FREM1: variants seen among roughly 807,000 people sequenced by gnomAD.
The protein encoded by FREM1 is FRAS1-related extracellular matrix protein 1.
Under a neutral mutation model 210.1 loss-of-function variants are expected in FREM1, and 220 were observed. The ratio of observed to expected loss-of-function variants is 1.05; its 90% CI spans 0.94 to 1.17. The LOEUF is 1.17. Ranked by LOEUF, FREM1 falls within the 50% of genes most tolerant of loss-of-function variation. The pLI, the probability that FREM1 is intolerant of heterozygous loss-of-function variation, is 0.00. For synonymous variants in FREM1, 1,189 were observed against 980.2 expected (o/e 1.21, Z -3.98); for missense variants, 3,454 against 2,675.5 (o/e 1.29, Z -6.42).
chr9:14,830,140 G>A lies in FREM1; in HGVS notation c.1882-5148C>T, dbSNP rs1256470119. Among the ~76,000 whole-genome samples, 6 of 152,320 alleles carry A rather than the reference G, an allele frequency of 3.9e-5. No individual in the cohort carries two copies. The South Asian group carries it at 1.2e-3, about 32-fold the overall frequency. On this transcript the variant is annotated intron_variant, in intron 10 of 36. Coordinates refer to ENST00000380880, the MANE Select transcript of FREM1 (RefSeq NM_001379081.2). ...GCACTGGATAGTTTCAAGGGAAGAT[G>A]CAAAAGAAAGAGCTAGCAGAAATCA... is the stretch of plus-strand genomic sequence containing the variant.
In FREM1 at chr9:14,819,278, T is replaced by C. The variant is rs199616797; in HGVS notation, c.2502A>G (p.Ser834=). ...GATCGCCCCAAGAAAATGTGCCCCC[T>C]GAATTTAGAGGAAATCCATTCAGCT... ...RVELNGFPLN[S]GGTFSWGDLH... Residue 834 remains serine (S), a synonymous_variant, in exon 14 of 37, where the codon TCA becomes TCG. Coordinates refer to ENST00000380880, the MANE Select transcript of FREM1 (RefSeq NM_001379081.2). 42 of 1,613,750 alleles carry C rather than the reference T, an allele frequency of 2.6e-5. No individual in the cohort carries two copies. The highest frequency in any genetic ancestry group is 2.4e-5 in the Non-Finnish European group (28 of 1,179,750).
At position 14,750,088 on chromosome 9, in the gene FREM1, G is replaced by C. The variant is rs1554639697; in HGVS notation, c.5557+39C>G. 6.2e-6 allele frequency: 10 copies of C among 1,608,658 alleles called. No homozygotes were observed. In the East Asian group the frequency reaches 1.6e-4, roughly 25 times the overall value. ...GTTGAAGGCAAGAGCTACAGCGCCA[G>C]GACCGCTCCTGATTTCAAGATGAGG... On this transcript the variant is annotated intron_variant, in intron 30 of 36. Coordinates refer to ENST00000380880, the MANE Select transcript of FREM1 (RefSeq NM_001379081.2).
At chr9:14,864,718 C>T (rs1328599687) in intron 2 of FREM1, among the ~76,000 whole-genome samples, 3 of 152,166 alleles carry the variant, frequency 2.0e-5, no homozygotes, top group Non-Finnish European at 4.4e-5. Context: ...GTTCTAATAC[C>T]CTTGAGGTAT....
chr9:14,842,152 T>C (rs1479070972), intron 9 of FREM1, among the ~76,000 whole-genome samples, 164 bp downstream of exon 9: 2 of 152,222 alleles, frequency 1.3e-5, no homozygotes, highest in Non-Finnish European at 2.9e-5. Flanking sequence ...ATCTCAGGCT[T>C]CCTCATTATG....
intron 10 of FREM1, among the ~76,000 whole-genome samples, chr9:14,825,665 C>T (rs1822314584): frequency 6.6e-6 from 1 of 150,800 alleles, no homozygotes; most frequent in Admixed American, 6.6e-5. Context: ...CTCTCTTCTA[C>T]CAACAACCTG....
chr9:14,883,480 GCT>G (rs1835191046), intron 1 of FREM1, among the ~76,000 whole-genome samples: 1 of 152,124 alleles, frequency 6.6e-6, no homozygotes, highest in Admixed American at 6.5e-5. Flanking sequence ...GGAAAATACT[GCT>G]CTTATTTTTG....
intron 34 of FREM1, 80 bp downstream of exon 34, chr9:14,746,843 C>T: frequency 3.4e-6 from 5 of 1,473,318 alleles, no homozygotes; most frequent in Admixed American, 2.3e-5. Context: ...TTGAGTCATG[C>T]ACCAGATGGT....
intron 5 of FREM1, among the ~76,000 whole-genome samples, chr9:14,852,394 G>A (rs1827936577): frequency 6.6e-6 from 1 of 152,242 alleles, no homozygotes; most frequent in Non-Finnish European, 1.5e-5. Flanking sequence ...TGGGCAGAAA[G>A]AATCCTCACA....
At chr9:14,779,454 G>A (rs1393395137) in intron 24 of FREM1, 2 of 983,904 alleles carry the variant, frequency 2.0e-6, no homozygotes, top group African/African-American at 1.7e-5. Context: ...AAACCCAAAT[G>A]CAAGCTTGAG....
chr9:14,910,604 T>C (rs948759146), upstream of FREM1, among the ~76,000 whole-genome samples: 12 of 151,530 alleles, frequency 7.9e-5, no homozygotes, highest in Admixed American at 6.6e-4. Flanking sequence ...AGACACACAA[T>C]CACCACACAC....
At chr9:14,778,188 T>C (rs534626317) in intron 24 of FREM1, among the ~76,000 whole-genome samples, 2 of 152,302 alleles carry the variant, frequency 1.3e-5, no homozygotes, top group African/African-American at 2.4e-5. Flanking sequence ...CAAAATCACA[T>C]AATTTTCTCA....
At chr9:14,788,736 T>G (rs1454809566) in intron 23 of FREM1, among the ~76,000 whole-genome samples, 183 bp downstream of exon 23, 2 of 152,006 alleles carry the variant, frequency 1.3e-5, no homozygotes, top group South Asian at 2.1e-4. Flanking sequence ...GTGAACCACA[T>G]AGGTCCCAGG....
chr9:14,868,322 C>G (rs1296448219), intron 2 of FREM1, among the ~76,000 whole-genome samples: 1 of 152,036 alleles, frequency 6.6e-6, no homozygotes, highest in Non-Finnish European at 1.5e-5. Context: ...GTATAATTAG[C>G]TACTCTATAA....
chr9:14,759,019 T>A (rs1844945310), intron 28 of FREM1, among the ~76,000 whole-genome samples: 1 of 152,120 alleles, frequency 6.6e-6, no homozygotes, highest in Non-Finnish European at 1.5e-5. Context: ...CTGAGGTGAA[T>A]ACTAAGAGAA....
chr9:14,816,885 AT>A lies in FREM1; in HGVS notation c.2547-15del, dbSNP rs770381774. The A allele has an allele frequency of 7.8e-5, 84 of 1,071,554 alleles. No individual in the cohort carries two copies. The African/African-American group carries it at 1.2e-3, about 15-fold the overall frequency. The allele number at this position is 1,071,554 out of a possible 1,614,324, so 66.4% of individuals were successfully genotyped here. On this transcript the variant is annotated splice_polypyrimidine_tract_variant and intron_variant, in intron 14 of 36. Transcript: ENST00000380880. The stretch of plus-strand genomic sequence containing the variant: ...TCATGTTGATACCTGTGGGGATAAT[AT>A]TTGTCACCAACCTCTTAGGAACAGT...
intron 23 of FREM1, among the ~76,000 whole-genome samples, chr9:14,787,899 T>C (rs1850661689): frequency 6.6e-6 from 1 of 152,160 alleles, no homozygotes; most frequent in African/African-American, 2.4e-5. Context: ...TTAGACTTCT[T>C]TAAGGAACAC....
At position 14,742,963 on chromosome 9, in the gene FREM1, G is replaced by A. The variant is rs553023721; in HGVS notation, c.6255-2729C>T. On this transcript the variant is annotated intron_variant, in intron 35 of 36. Transcript: ENST00000380880. ...TACTTCCTTGTATACCTGTGAGCAA[G>A]TGATTTCGCTTCCTTGAACCTCTTT... Among the ~76,000 whole-genome samples the A allele has an allele frequency of 5.3e-5, 8 of 152,194 alleles. No individual in the cohort carries two copies. In the East Asian group the frequency reaches 1.4e-3, roughly 26 times the overall value.
intron 5 of FREM1, among the ~76,000 whole-genome samples, chr9:14,854,680 G>T (rs1456114207): frequency 6.6e-5 from 10 of 151,946 alleles, no homozygotes; most frequent in Admixed American, 2.0e-4. Context: ...AAAGCCCAAA[G>T]AATTGAGAAC....
At chr9:14,886,384 CAAA>C (rs60702421) in intron 1 of FREM1, among the ~76,000 whole-genome samples, 1,991 of 59,590 alleles carry the variant, frequency 0.033, 9 homozygotes, top group African/African-American at 0.13. Context: ...GACTCCGACT[CAAA>C]AAAAAAAAAA....
Sources: allele counts gnomAD v4.1 joint callset (sites outside exome capture counted in the v4.1 genomes callset), GRCh38; gene constraint gnomAD v4.1.1; transcripts MANE v1.5; gene names NCBI Gene and HGNC (gene_info 2026-07-23, HGNC 2026-07-21).